The following ZC4H2 variants were observed in gnomAD, a reference collection of about 807,000 sequenced individuals.
The protein encoded by ZC4H2 is zinc finger C4H2 domain-containing protein.
For synonymous variants in ZC4H2, 84 were observed against 66.3 expected (o/e 1.27, Z -1.30); for missense variants, 137 against 173.9 (o/e 0.79, Z 1.19).
At chrX:64,991,857 G>T (rs946974294) in intron 1 of ZC4H2, among the ~76,000 whole-genome samples, 1 of 112,199 alleles carries the variant, frequency 8.9e-6, no homozygotes, top group African/African-American at 3.2e-5. Flanking sequence ...AACAAATGAA[G>T]TATTGATCAC....
intron 1 of ZC4H2, among the ~76,000 whole-genome samples, chrX:64,947,436 C>A (rs1295967535): frequency 8.9e-6 from 1 of 112,061 alleles, no homozygotes; most frequent in Non-Finnish European, 1.9e-5. Context: ...AAGACTCCAG[C>A]TATAGTTAGA....
intron 1 of ZC4H2, among the ~76,000 whole-genome samples, chrX:65,019,352 T>C (rs944965555): frequency 6.2e-5 from 7 of 112,135 alleles, no homozygotes; most frequent in African/African-American, 2.3e-4. Context: ...GGCAGCAATC[T>C]TTGCTATTCT....
At chrX:64,938,340 G>A (rs930868829) in intron 1 of ZC4H2, among the ~76,000 whole-genome samples, 1 of 111,721 alleles carries the variant, frequency 9.0e-6, no homozygotes, top group South Asian at 3.7e-4. Flanking sequence ...ATTCACAGCC[G>A]AATTCTACCA....
At chrX:65,022,730 AACTTAAAAGGG>A (rs1171574513) in intron 1 of ZC4H2, among the ~76,000 whole-genome samples, 1 of 111,980 alleles carries the variant, frequency 8.9e-6, no homozygotes, top group Non-Finnish European at 1.9e-5. Context: ...CTAGGAATAC[AACTTAAAAGGG>A]ATGTGAAGGA....
At chrX:64,976,240 AC>A in intron 1 of ZC4H2, 84 bp downstream of exon 1, 1 of 1,088,633 alleles carries the variant, frequency 9.2e-7, no homozygotes, top group Non-Finnish European at 1.3e-6. Context: ...GCTCCTCTAG[AC>A]AAACAGCCCA....
intron 1 of ZC4H2, among the ~76,000 whole-genome samples, chrX:64,950,691 A>G (rs1229520053): frequency 9.1e-6 from 1 of 109,804 alleles, no homozygotes; most frequent in Non-Finnish European, 1.9e-5. Context: ...TTTGTTTTCC[A>G]TTTGCTTGGT....
At chrX:65,019,892 A>T (rs1932824039) in intron 1 of ZC4H2, among the ~76,000 whole-genome samples, 1 of 112,291 alleles carries the variant, frequency 8.9e-6, no homozygotes, top group Non-Finnish European at 1.9e-5. Flanking sequence ...TGAAGCATAC[A>T]CAAGTATCAA....
chrX:64,950,429 T>C (rs1930744579), intron 1 of ZC4H2, among the ~76,000 whole-genome samples: 1 of 111,518 alleles, frequency 9.0e-6, no homozygotes, highest in Non-Finnish European at 1.9e-5. Flanking sequence ...CGTTGATCTG[T>C]CTCATGTTGA....
intron 1 of ZC4H2, among the ~76,000 whole-genome samples, chrX:64,987,469 T>C (rs1438031799): frequency 9.2e-6 from 1 of 108,119 alleles, no homozygotes; most frequent in Non-Finnish European, 1.9e-5. Flanking sequence ...GCTGGGTTTT[T>C]TTTTTTTTTT....
At position 64,970,089 on chromosome X, in the gene ZC4H2, A is replaced by T. The variant is rs908143735; in HGVS notation, c.53+6236T>A. Among the ~76,000 whole-genome samples, 4 of 111,876 alleles carry T rather than the reference A, an allele frequency of 3.6e-5. No homozygotes were observed. In the East Asian group the frequency reaches 1.1e-3, roughly 31 times the overall value. On this transcript the variant is annotated intron_variant, in intron 1 of 4. Coordinates refer to ENST00000374839, the MANE Select transcript of ZC4H2 (RefSeq NM_018684.4). The stretch of plus-strand genomic sequence containing the variant: ...CCAGCCCTGATTATGGCCCAGATTT[A>T]TGCTCAGTAAATGTCACTGAATGAA...
intron 2 of ZC4H2, 84 bp downstream of exon 2, chrX:64,921,733 A>G: frequency 9.4e-7 from 1 of 1,060,736 alleles, no homozygotes; most frequent in Non-Finnish European, 1.3e-6. Context: ...GCTAGGCCTA[A>G]GCCACATCTC....
chrX:65,034,369 T>C (rs1460393397), intron 1 of ZC4H2, among the ~76,000 whole-genome samples: 1 of 111,832 alleles, frequency 8.9e-6, no homozygotes, highest in African/African-American at 3.3e-5. Flanking sequence ...ACGAGTGACA[T>C]AGTCAGAGAA....
At chrX:65,013,562 C>T (rs1373082629) in intron 1 of ZC4H2, among the ~76,000 whole-genome samples, 1 of 111,527 alleles carries the variant, frequency 9.0e-6, no homozygotes, top group African/African-American at 3.3e-5. Flanking sequence ...GCTCTTGTGA[C>T]AAGGAACTAA....
chrX:64,985,543 A>G (rs941930775), intron 1 of ZC4H2, among the ~76,000 whole-genome samples: 3 of 111,590 alleles, frequency 2.7e-5, no homozygotes, highest in African/African-American at 9.8e-5. Context: ...CCAGAGAAAT[A>G]AGAATAGTTC....
chrX:64,945,565 C>A (rs1178668117), intron 1 of ZC4H2, among the ~76,000 whole-genome samples: 1 of 111,662 alleles, frequency 9.0e-6, no homozygotes, highest in African/African-American at 3.3e-5. Flanking sequence ...GCGTCAGGGA[C>A]CCACTTGACA....
chrX:65,009,354 A>C (rs1407869439), intron 1 of ZC4H2, among the ~76,000 whole-genome samples: 1 of 110,681 alleles, frequency 9.0e-6, no homozygotes, highest in African/African-American at 3.3e-5. Flanking sequence ...GCCTTCTCTC[A>C]GAAGTTGCAA....
At chrX:64,951,999 A>G (rs1345805771) in intron 1 of ZC4H2, among the ~76,000 whole-genome samples, 1 of 111,359 alleles carries the variant, frequency 9.0e-6, no homozygotes, top group Non-Finnish European at 1.9e-5. Flanking sequence ...GAAGGGATCC[A>G]GTTTCAGCTT....
intron 1 of ZC4H2, among the ~76,000 whole-genome samples, chrX:64,935,173 G>A (rs1929944157): frequency 9.0e-6 from 1 of 111,579 alleles, no homozygotes; most frequent in Non-Finnish European, 1.9e-5. Context: ...TGAGGCTTGA[G>A]TAGGCAGTTT....
At chrX:65,014,216 G>C (rs1486741927) in intron 1 of ZC4H2, among the ~76,000 whole-genome samples, 1 of 111,137 alleles carries the variant, frequency 9.0e-6, no homozygotes, top group Non-Finnish European at 1.9e-5. Context: ...GCACACCGGA[G>C]GTAAACAACA....
Sources: gnomAD v4.1 joint callset for allele counts (sites outside exome capture counted in the v4.1 genomes callset) on GRCh38, gnomAD v4.1.1 for gene constraint, MANE v1.5 for transcripts, NCBI Gene and HGNC (gene_info 2026-07-23, HGNC 2026-07-21) for gene names.